Variants in CNTN5 observed in about 807,000 individuals in gnomAD.
CNTN5 encodes contactin-5.
CNTN5 carries 77 observed loss-of-function variants against 129.1 expected under a neutral mutation model. That is an observed-to-expected ratio of 0.60 (90% CI 0.50 to 0.72). The LOEUF (loss-of-function observed/expected upper bound fraction) is 0.72, where lower values mean the gene tolerates loss of function less well. Ranked by LOEUF, CNTN5 falls within the 30% of genes least tolerant of loss-of-function variation. The pLI is 0.00. For missense variants in CNTN5, 1,478 were observed against 1,328.8 expected, an observed-to-expected ratio of 1.11 and a Z score of -1.75; for synonymous variants, 509 against 465.6, an observed-to-expected ratio of 1.09 and a Z score of -1.20.
At chr11:99,758,250 CT>C (rs1565497067) in intron 3 of CNTN5, among the ~76,000 whole-genome samples, 3 of 151,848 alleles carry the variant, frequency 2.0e-5, no homozygotes, top group South Asian at 2.1e-4. Flanking sequence ...TTGTAAGTTT[CT>C]TTTTTTATTT....
intron 3 of CNTN5, among the ~76,000 whole-genome samples, chr11:99,721,675 C>G (rs4520563): frequency 0.33 from 49,545 of 151,970 alleles, 8,452 homozygotes; most frequent in South Asian, 0.59. Flanking sequence ...ACAAAAGAAA[C>G]TATCAACAGA....
intron 2 of CNTN5, among the ~76,000 whole-genome samples, chr11:99,326,049 C>T (rs183231843): frequency 2.0e-5 from 3 of 152,276 alleles, no homozygotes; most frequent in African/African-American, 2.4e-5. Flanking sequence ...TACATATTTA[C>T]GTAACCAACA....
chr11:99,067,630 A>G (rs1865156760), intron 1 of CNTN5, among the ~76,000 whole-genome samples: 1 of 152,168 alleles, frequency 6.6e-6, no homozygotes, highest in African/African-American at 2.4e-5. Flanking sequence ...AAAAATTAAA[A>G]AGCTTTAGAA....
At chr11:99,249,707 T>C (rs1323330997) in intron 1 of CNTN5, among the ~76,000 whole-genome samples, 1 of 151,986 alleles carries the variant, frequency 6.6e-6, no homozygotes, top group Non-Finnish European at 1.5e-5. Context: ...ATCTAATATA[T>C]ATAATATATT....
At chr11:99,752,009 A>G (rs1456494442) in intron 3 of CNTN5, among the ~76,000 whole-genome samples, 1 of 151,930 alleles carries the variant, frequency 6.6e-6, no homozygotes, top group African/African-American at 2.4e-5. Context: ...CCCTCACCAG[A>G]CACCAAATCC....
intron 1 of CNTN5, among the ~76,000 whole-genome samples, chr11:99,233,778 C>T (rs904136081): frequency 3.9e-5 from 6 of 152,056 alleles, no homozygotes; most frequent in Non-Finnish European, 5.9e-5. Flanking sequence ...AAACCCATCT[C>T]TACTAAAAAT....
intron 1 of CNTN5, among the ~76,000 whole-genome samples, chr11:99,106,432 TACAG>T (rs1410255429): frequency 6.6e-6 from 1 of 151,326 alleles, no homozygotes; most frequent in Non-Finnish European, 1.5e-5. Context: ...CAAATTTTGT[TACAG>T]ACTACATTAA....
At chr11:99,701,164 G>C (rs1372768884) in intron 3 of CNTN5, among the ~76,000 whole-genome samples, 2 of 151,114 alleles carry the variant, frequency 1.3e-5, no homozygotes, top group African/African-American at 2.4e-5. Flanking sequence ...GCAAAGTCTT[G>C]TTCTTCTTCT....
At chr11:99,503,872 T>C (rs1946516571) in intron 2 of CNTN5, among the ~76,000 whole-genome samples, 1 of 152,196 alleles carries the variant, frequency 6.6e-6, no homozygotes, top group Non-Finnish European at 1.5e-5. Flanking sequence ...TTAATAATTA[T>C]TCAATAAATA....
chr11:99,453,862 C>G (rs1004561992), intron 2 of CNTN5, among the ~76,000 whole-genome samples: 5 of 152,232 alleles, frequency 3.3e-5, no homozygotes, highest in Admixed American at 3.3e-4. Context: ...TGCATATCTC[C>G]TTTGGGAATG....
chr11:99,886,432 T>C (rs931554949), intron 6 of CNTN5, among the ~76,000 whole-genome samples: 2 of 152,148 alleles, frequency 1.3e-5, no homozygotes, highest in African/African-American at 4.8e-5. Flanking sequence ...AAAACATAAA[T>C]ATGCTCAAAC....
chr11:99,721,214 A>C (rs904683588), intron 3 of CNTN5, among the ~76,000 whole-genome samples: 1 of 152,192 alleles, frequency 6.6e-6, no homozygotes, highest in African/African-American at 2.4e-5. Context: ...AGCTTTTGGC[A>C]TCATGCTATT....
chr11:99,663,745 C>A (rs11220881), intron 3 of CNTN5, among the ~76,000 whole-genome samples: 38,553 of 151,968 alleles, frequency 0.25, 4,993 homozygotes, highest in South Asian at 0.38. Context: ...GACGTGCCTG[C>A]TTCCCCTTCT....
intron 3 of CNTN5, among the ~76,000 whole-genome samples, chr11:99,628,484 C>G (rs1335068613): frequency 6.6e-6 from 1 of 151,926 alleles, no homozygotes; most frequent in African/African-American, 2.4e-5. Flanking sequence ...TAAAACTGGT[C>G]TCCCAGTTGG....
chr11:100,301,029 T>A (rs1951207175), intron 20 of CNTN5, among the ~76,000 whole-genome samples: 1 of 151,536 alleles, frequency 6.6e-6, no homozygotes, highest in African/African-American at 2.4e-5. Context: ...TTTAACCAGG[T>A]CTATATGACT....
chr11:99,092,800 A>G (rs1349957346), intron 1 of CNTN5, among the ~76,000 whole-genome samples: 3 of 152,098 alleles, frequency 2.0e-5, no homozygotes, highest in Non-Finnish European at 4.4e-5. Context: ...CAGAAAATAT[A>G]TACAAAAATC....
At chr11:99,142,363 G>T (rs530241190) in intron 1 of CNTN5, among the ~76,000 whole-genome samples, 1 of 152,238 alleles carries the variant, frequency 6.6e-6, no homozygotes, top group South Asian at 2.1e-4. Context: ...GCAGGCTGCA[G>T]GTGAGTGCAT....
chr11:100,035,731 G>A (rs1349846177), intron 9 of CNTN5, among the ~76,000 whole-genome samples: 1 of 150,424 alleles, frequency 6.6e-6, no homozygotes, highest in East Asian at 1.9e-4. Context: ...GTGATGATGA[G>A]CATTTTTTCA....
intron 13 of CNTN5, among the ~76,000 whole-genome samples, chr11:100,171,995 C>T (rs1322136821): frequency 6.6e-6 from 1 of 151,938 alleles, no homozygotes; most frequent in Non-Finnish European, 1.5e-5. Flanking sequence ...GAAAAACCAG[C>T]TTATTCATGT....
Sources: gnomAD v4.1 joint callset for allele counts (sites outside exome capture counted in the v4.1 genomes callset) on GRCh38, gnomAD v4.1.1 for gene constraint, MANE v1.5 for transcripts, NCBI Gene and HGNC (gene_info 2026-07-23, HGNC 2026-07-21) for gene names.